The following ARHGAP12 variants were observed in gnomAD, a reference collection of about 807,000 sequenced individuals.
ARHGAP12 encodes the protein Rho GTPase activating protein 12, also known as rho GTPase-activating protein 12.
ARHGAP12 carries 64 observed loss-of-function variants against 108.6 expected under a neutral mutation model. The ratio of observed to expected loss-of-function variants is 0.59; its 90% confidence interval spans 0.48 to 0.73. The LOEUF is 0.73. Ranked by LOEUF, ARHGAP12 falls within the 30% of genes least tolerant of loss-of-function variation. The pLI, the probability that ARHGAP12 is intolerant of heterozygous loss-of-function variation, is 0.00. For missense variants in ARHGAP12, 940 were observed against 1,005.9 expected (o/e 0.93, Z 0.89); for synonymous variants, 312 against 337.2 (o/e 0.93, Z 0.82).
At chr10:31,892,357 A>C (rs1838482743) in intron 3 of ARHGAP12, among the ~76,000 whole-genome samples, 2 of 152,232 alleles carry the variant, frequency 1.3e-5, no homozygotes, top group Non-Finnish European at 2.9e-5. Context: ...TGCTGTATTC[A>C]GGAGACCCAA....
At chr10:31,826,437 C>T (rs758940719) in intron 10 of ARHGAP12, 52 bp from the exon 11 acceptor site, 1 of 1,489,508 alleles carries the variant, frequency 6.7e-7, no homozygotes, top group Non-Finnish European at 9.2e-7. Context: ...TTCTTTCAGC[C>T]AAATTCAAAA....
chr10:31,882,503 A>T (rs1429983904), intron 3 of ARHGAP12, among the ~76,000 whole-genome samples: 1 of 152,158 alleles, frequency 6.6e-6, no homozygotes, highest in Non-Finnish European at 1.5e-5. Context: ...AAAATGCACA[A>T]AACTATGAGC....
At chr10:31,880,705 C>T (rs773717893) in intron 3 of ARHGAP12, among the ~76,000 whole-genome samples, 5 of 151,870 alleles carry the variant, frequency 3.3e-5, no homozygotes, top group Admixed American at 6.6e-5. Flanking sequence ...TCAATCAGGT[C>T]AACAATTGTA....
intron 6 of ARHGAP12, among the ~76,000 whole-genome samples, chr10:31,851,656 TCACATAAAGAA>T (rs1383301974): frequency 1.3e-5 from 2 of 152,220 alleles, no homozygotes; most frequent in Non-Finnish European, 2.9e-5. Context: ...CAGATAGCAT[TCACATAAAGAA>T]GAAAGCACTA....
chr10:31,848,443 A>G (rs1413676172), intron 6 of ARHGAP12, among the ~76,000 whole-genome samples: 1 of 152,194 alleles, frequency 6.6e-6, no homozygotes, highest in Non-Finnish European at 1.5e-5. Flanking sequence ...ATTCCTAGAA[A>G]TTATATTTTC....
At chr10:31,886,886 G>C (rs949200887) in intron 3 of ARHGAP12, among the ~76,000 whole-genome samples, 6 of 152,184 alleles carry the variant, frequency 3.9e-5, no homozygotes, top group African/African-American at 7.2e-5. Flanking sequence ...GCTAGGCTGA[G>C]AAGTTTTTGC....
At chr10:31,826,236 G>T in intron 11 of ARHGAP12, 68 bp downstream of exon 11, 1 of 1,276,488 alleles carries the variant, frequency 7.8e-7, no homozygotes, top group Non-Finnish European at 1.1e-6. Context: ...ATTACCTCCT[G>T]AAATTCAGGT....
intron 1 of ARHGAP12, among the ~76,000 whole-genome samples, chr10:31,924,920 A>G (rs1183597736): frequency 1.3e-5 from 2 of 152,226 alleles, no homozygotes; most frequent in Non-Finnish European, 2.9e-5. Flanking sequence ...CAGAGTATCT[A>G]CATTAATCAG....
chr10:31,828,845 C>CA (rs1835723199), intron 10 of ARHGAP12, among the ~76,000 whole-genome samples: 1 of 152,002 alleles, frequency 6.6e-6, no homozygotes, highest in Non-Finnish European at 1.5e-5. Flanking sequence ...TTATAGACAA[C>CA]AAAAAATTAA....
At chr10:31,821,396 A>G (rs1043727423) in intron 11 of ARHGAP12, among the ~76,000 whole-genome samples, 1 of 152,190 alleles carries the variant, frequency 6.6e-6, no homozygotes, top group Non-Finnish European at 1.5e-5. Context: ...TCTGTTAAGT[A>G]TAAAAAGTAA....
chr10:31,824,135 C>T (rs1172621362), intron 11 of ARHGAP12, among the ~76,000 whole-genome samples: 2 of 152,050 alleles, frequency 1.3e-5, no homozygotes, highest in Non-Finnish European at 2.9e-5. Flanking sequence ...AATTAGTTCT[C>T]GCTCCCTTAA....
chr10:31,919,102 G>A (rs1328582300), intron 1 of ARHGAP12, among the ~76,000 whole-genome samples: 1 of 152,194 alleles, frequency 6.6e-6, no homozygotes, highest in Non-Finnish European at 1.5e-5. Flanking sequence ...GACTATTTAT[G>A]CTTAGGGAAA....
intron 3 of ARHGAP12, 119 bp downstream of exon 3, chr10:31,908,053 T>C (rs1839207133): frequency 4.2e-6 from 4 of 948,728 alleles, no homozygotes; most frequent in Non-Finnish European, 6.1e-6. Flanking sequence ...ATAGAACCCA[T>C]GTACTCTGAA....
chr10:31,843,397 G>T, intron 7 of ARHGAP12, 64 bp downstream of exon 7: 2 of 1,473,744 alleles, frequency 1.4e-6, no homozygotes, highest in South Asian at 2.6e-5. Context: ...ATATTAGTAC[G>T]AATAGTTACA....
chr10:31,845,675 C>G (rs1249956856), intron 6 of ARHGAP12, among the ~76,000 whole-genome samples: 1 of 151,958 alleles, frequency 6.6e-6, no homozygotes, highest in Non-Finnish European at 1.5e-5. Flanking sequence ...GGCCTAGCTA[C>G]TCAAAAGGCT....
chr10:31,843,442 A>G lies in ARHGAP12; in HGVS notation c.1296+19T>C. 6.2e-7 allele frequency: 1 copy of G among 1,605,544 alleles called. No individual in the cohort carries two copies. The highest frequency in any genetic ancestry group is 8.5e-7 in the Non-Finnish European group (1 of 1,177,502). On this transcript the variant is annotated intron_variant, in intron 7 of 19. Coordinates refer to ENST00000344936, the MANE Select transcript of ARHGAP12 (RefSeq NM_018287.7). ...ACAATATAATGCAAAGAACTTGCCAAAAATCTCAACAGTCCTACCTTATCA... is the reference window on the plus strand; with the variant it reads ...ACAATATAATGCAAAGAACTTGCCAGAAATCTCAACAGTCCTACCTTATCA...
intron 14 of ARHGAP12, 117 bp downstream of exon 14, chr10:31,814,142 C>T: frequency 1.3e-6 from 1 of 799,114 alleles, no homozygotes; most frequent in East Asian, 2.5e-5. Flanking sequence ...TGGTTAACTG[C>T]ACAGCCCTTT....
At chr10:31,924,791 T>C (rs1343763580) in intron 1 of ARHGAP12, among the ~76,000 whole-genome samples, 1 of 152,138 alleles carries the variant, frequency 6.6e-6, no homozygotes, top group Non-Finnish European at 1.5e-5. Context: ...GGCTTTACCA[T>C]TTATCAGCTC....
At chr10:31,891,807 T>A (rs1838451351) in intron 3 of ARHGAP12, among the ~76,000 whole-genome samples, 1 of 152,194 alleles carries the variant, frequency 6.6e-6, no homozygotes, top group Admixed American at 6.6e-5. Context: ...TCTAAACTTC[T>A]CTTCTCACTT....
Sources: gnomAD v4.1 joint callset for allele counts (sites outside exome capture counted in the v4.1 genomes callset) on GRCh38, gnomAD v4.1.1 for gene constraint, MANE v1.5 for transcripts, NCBI Gene and HGNC (gene_info 2026-07-23, HGNC 2026-07-21) for gene names.